Variants in MANBAL observed in about 807,000 individuals in gnomAD.
MANBAL encodes the protein protein MANBAL.
A neutral mutation model predicts 6.4 loss-of-function variants in MANBAL; 1 was observed. The ratio of observed to expected loss-of-function variants is 0.16; its 90% CI spans 0.06 to 0.74. MANBAL has a LOEUF of 0.74. Ranked by LOEUF, MANBAL falls within the 30% of genes least tolerant of loss-of-function variation. The pLI, the probability that MANBAL is intolerant of heterozygous loss-of-function variation, is 0.78. For synonymous variants in MANBAL, 47 were observed against 45.8 expected, an observed-to-expected ratio of 1.03 and a Z score of -0.10; for missense variants, 100 against 107.8, an observed-to-expected ratio of 0.93 and a Z score of 0.32.
At chr20:37,304,267 T>G (rs1321132282) in intron 2 of MANBAL, among the ~76,000 whole-genome samples, 2 of 152,218 alleles carry the variant, frequency 1.3e-5, no homozygotes, top group African/African-American at 4.8e-5. Flanking sequence ...CTGTTTTTAA[T>G]TTTTAGAGAT....
At chr20:37,312,496 C>G (rs6017759) in intron 2 of MANBAL, among the ~76,000 whole-genome samples, 19 of 152,282 alleles carry the variant, frequency 1.2e-4, no homozygotes, top group Admixed American at 9.2e-4. Context: ...CAGCTAAGGC[C>G]TTAGGCAAGT....
chr20:37,311,762 C>T (rs954792114), intron 2 of MANBAL, among the ~76,000 whole-genome samples: 3 of 149,932 alleles, frequency 2.0e-5, no homozygotes, highest in Non-Finnish European at 3.0e-5. Context: ...GCTGGGATTA[C>T]GGGCGTGAGC....
rs187004833 is a variant in MANBAL at position 37,304,531 on chromosome 20, T to G, written c.150+3118T>G. Among the ~76,000 whole-genome samples the G allele has an allele frequency of 1.8e-3, 276 of 152,308 alleles. 1 individual carries two copies. Among genetic ancestry groups the G allele is most frequent in the African/African-American group, 6.4e-3 (265 of 41,576 alleles). ...GTACATATATATTTATATTCCCCCC[T>G]TCATTAAATAAAAGATAGCATACTA... is the stretch of plus-strand genomic sequence containing the variant. On this transcript the variant is annotated intron_variant, in intron 2 of 2. Transcript: ENST00000373606.
intron 2 of MANBAL, chr20:37,302,429 G>A (rs2069161060): frequency 1.4e-6 from 2 of 1,397,818 alleles, no homozygotes; most frequent in Admixed American, 4.2e-5. Context: ...TTGATCGGTG[G>A]GTTTAGGTGG....
At chr20:37,301,625 C>T (rs991692805) in intron 2 of MANBAL, among the ~76,000 whole-genome samples, 4 of 152,240 alleles carry the variant, frequency 2.6e-5, no homozygotes, top group African/African-American at 9.6e-5. Flanking sequence ...TTAGTGCCTA[C>T]TACATTTCAG....
chr20:37,310,285 C>A (rs2069354210), intron 2 of MANBAL, among the ~76,000 whole-genome samples: 1 of 152,242 alleles, frequency 6.6e-6, no homozygotes, highest in Non-Finnish European at 1.5e-5. Flanking sequence ...CTAGTTTCAT[C>A]TCTGCGAGGC....
At chr20:37,290,087 T>C (rs528748752) in intron 1 of MANBAL, among the ~76,000 whole-genome samples, 3 of 152,346 alleles carry the variant, frequency 2.0e-5, no homozygotes, top group Admixed American at 1.3e-4. Context: ...TGGCCCTCAG[T>C]TTCGTCTTCT....
chr20:37,316,100 C>T (rs2069506471), intron 2 of MANBAL, among the ~76,000 whole-genome samples: 1 of 152,216 alleles, frequency 6.6e-6, no homozygotes, highest in African/African-American at 2.4e-5. Flanking sequence ...ACAAGCTGCT[C>T]CCTCCCCGTG....
At chr20:37,312,334 T>C (rs1321939101) in intron 2 of MANBAL, among the ~76,000 whole-genome samples, 1 of 152,138 alleles carries the variant, frequency 6.6e-6, no homozygotes, top group Non-Finnish European at 1.5e-5. Context: ...CAGAGGCACC[T>C]TGTGGTTCTG....
intron 1 of MANBAL, among the ~76,000 whole-genome samples, chr20:37,291,540 A>C (rs1365680008): frequency 6.6e-6 from 1 of 152,160 alleles, no homozygotes; most frequent in Non-Finnish European, 1.5e-5. Context: ...AGGACCTTTA[A>C]TTAGGATTTG....
At chr20:37,293,742 G>A (rs574355888) in intron 1 of MANBAL, among the ~76,000 whole-genome samples, 4 of 152,244 alleles carry the variant, frequency 2.6e-5, no homozygotes, top group East Asian at 3.9e-4. Flanking sequence ...TTGCTCCCCC[G>A]ATCCCCTGTG....
At chr20:37,296,272 G>A (rs1209408008) in intron 1 of MANBAL, among the ~76,000 whole-genome samples, 1 of 152,192 alleles carries the variant, frequency 6.6e-6, no homozygotes, top group African/African-American at 2.4e-5. Flanking sequence ...CAAAAGTCTT[G>A]TGAAGGAAGT....
chr20:37,316,565 G>T lies in MANBAL; in HGVS notation c.*150G>T. The T allele has an allele frequency of 1.7e-6, 1 of 591,608 alleles. No homozygotes were observed. Among genetic ancestry groups the T allele is most frequent in the Non-Finnish European group, 3.0e-6 (1 of 338,308 alleles). The allele number at this position is 591,608 out of a possible 1,614,324, so 36.6% of individuals were successfully genotyped here. A position where few individuals can be genotyped will look rare whatever the true frequency, so the allele number is the denominator to read the frequency against. On this transcript the variant is annotated 3_prime_UTR_variant, in exon 3 of 3. Coordinates refer to ENST00000373606, the MANE Select transcript of MANBAL (RefSeq NM_001003897.2). ...CGCAGAGATCTAGACAGTCGTAACAGTCCCCAGGCTCCAGCTGGGCAATCC... is the reference window on the plus strand; with the variant it reads ...CGCAGAGATCTAGACAGTCGTAACATTCCCCAGGCTCCAGCTGGGCAATCC...
At chr20:37,311,279 G>T (rs2069380861) in intron 2 of MANBAL, among the ~76,000 whole-genome samples, 1 of 152,238 alleles carries the variant, frequency 6.6e-6, no homozygotes, top group African/African-American at 2.4e-5. Flanking sequence ...GGAGACACTG[G>T]CTGGCCAGTA....
chr20:37,303,931 T>A (rs2069199297), intron 2 of MANBAL, among the ~76,000 whole-genome samples: 2 of 152,218 alleles, frequency 1.3e-5, no homozygotes, highest in Admixed American at 1.3e-4. Flanking sequence ...TGAGCCACTC[T>A]TATCATTTCT....
chr20:37,307,874 C>A (rs1055360329), intron 2 of MANBAL, among the ~76,000 whole-genome samples: 1 of 152,082 alleles, frequency 6.6e-6, no homozygotes. Flanking sequence ...TGGAGCATAC[C>A]CAACCTGTTG....
At chr20:37,306,508 T>C (rs2146816863) in intron 2 of MANBAL, among the ~76,000 whole-genome samples, 1 of 152,332 alleles carries the variant, frequency 6.6e-6, no homozygotes, top group South Asian at 2.1e-4. Context: ...CCTAGAATCG[T>C]AAGCCAAATG....
chr20:37,308,162 G>C (rs2069300079), intron 2 of MANBAL, among the ~76,000 whole-genome samples: 1 of 152,220 alleles, frequency 6.6e-6, no homozygotes, highest in Non-Finnish European at 1.5e-5. Flanking sequence ...CCCCAGGGAA[G>C]GAACTGTGGC....
intron 1 of MANBAL, 129 bp from the exon 2 acceptor site, chr20:37,301,079 G>A: frequency 2.3e-6 from 1 of 436,470 alleles, no homozygotes; most frequent in East Asian, 4.9e-5. Flanking sequence ...GGAGGCCGAA[G>A]TTGCAGTGAT....
Sources: allele counts gnomAD v4.1 joint callset (sites outside exome capture counted in the v4.1 genomes callset), GRCh38; gene constraint gnomAD v4.1.1; transcripts MANE v1.5; gene names NCBI Gene and HGNC (gene_info 2026-07-23, HGNC 2026-07-21).